Variants in MYLK observed in about 807,000 individuals in gnomAD.
MYLK encodes myosin light chain kinase.
MYLK carries 106 observed loss-of-function variants against 203.4 expected under a neutral mutation model. The ratio of observed to expected loss-of-function variants is 0.52; its 90% CI spans 0.45 to 0.61. The LOEUF (loss-of-function observed/expected upper bound fraction) is 0.61, where lower values mean the gene tolerates loss of function less well. Among genes scored for constraint, MYLK ranks in the 20% least tolerant of loss-of-function variants. The pLI is 0.00. For missense variants in MYLK, 2,072 were observed against 2,442.3 expected (o/e 0.85, Z 3.20); for synonymous variants, 867 against 959.5 (o/e 0.90, Z 1.78).
At chr3:123,656,807 G>A (rs2108269326) in intron 24 of MYLK, among the ~76,000 whole-genome samples, 1 of 152,302 alleles carries the variant, frequency 6.6e-6, no homozygotes, top group Non-Finnish European at 1.5e-5. Flanking sequence ...GATACAAGAG[G>A]AGAAGAGAAG....
At chr3:123,831,363 G>C in intron 3 of MYLK, 185 bp downstream of exon 3, 1 of 1,288,140 alleles carries the variant, frequency 7.8e-7, no homozygotes, top group Non-Finnish European at 1.0e-6. Context: ...AAAATCAACA[G>C]ACAATGCTAC....
At chr3:123,758,148 A>G (rs1453379473) in intron 4 of MYLK, among the ~76,000 whole-genome samples, 1 of 152,176 alleles carries the variant, frequency 6.6e-6, no homozygotes, top group East Asian at 1.9e-4. Flanking sequence ...ATGAGGGTGA[A>G]GAGTGAAGGG....
intron 20 of MYLK, among the ~76,000 whole-genome samples, chr3:123,674,926 G>T (rs754743919): frequency 2.0e-5 from 3 of 152,198 alleles, no homozygotes; most frequent in Non-Finnish European, 4.4e-5. Context: ...GACACACCAC[G>T]GCAAGCTTCT....
At chr3:123,682,197 G>A (rs1316402819) in intron 20 of MYLK, 27 bp downstream of exon 20, 1 of 1,572,708 alleles carries the variant, frequency 6.4e-7, no homozygotes. Flanking sequence ...CTCTGCCTCT[G>A]CCTGGTGAAG....
rs538087568 is a variant in MYLK at position 123,793,354 on chromosome 3, AGCTGTATTCTTCCT to A, written c.165+309_165+322del. Among the ~76,000 whole-genome samples, 37 of 152,186 alleles carry A rather than the reference AGCTGTATTCTTCCT, an allele frequency of 2.4e-4. 2 individuals carry two copies. The South Asian group carries it at 7.5e-3, about 31-fold the overall frequency. On this transcript the variant is annotated intron_variant, in intron 4 of 33. Coordinates refer to ENST00000360304, the MANE Select transcript of MYLK (RefSeq NM_053025.4). ...AGATTTGAGGACATATATAAACCCA[AGCTGTATTCTTCCT>A]GCCACCGGACCGCGTCTTCTTTTTC...
At chr3:123,782,577 C>T (rs956927420) in intron 4 of MYLK, among the ~76,000 whole-genome samples, 1 of 152,224 alleles carries the variant, frequency 6.6e-6, no homozygotes, top group East Asian at 1.9e-4. Context: ...ATGAACCAGA[C>T]CTCAGTGCTA....
chr3:123,740,076 A>G lies in MYLK; in HGVS notation c.374-75T>C, dbSNP rs961373176. On this transcript the variant is annotated intron_variant, in intron 5 of 33. Coordinates refer to ENST00000360304, the MANE Select transcript of MYLK (RefSeq NM_053025.4). ...AATGAAAGTAAAAAGATTCAACAGC[A>G]GGGGTGGGTGGGATAGTGATGGTGA... The G allele has an allele frequency of 1.4e-5, 20 of 1,450,318 alleles. No homozygotes were observed. The African/African-American group carries it at 2.7e-4, about 19-fold the overall frequency. 89.8% of individuals were successfully genotyped at this position (1,450,318 alleles called of 1,614,324 possible).
intron 19 of MYLK, among the ~76,000 whole-genome samples, chr3:123,683,488 T>C (rs2108464892): frequency 6.6e-6 from 1 of 152,224 alleles, no homozygotes; most frequent in East Asian, 1.9e-4. Context: ...TCCCAGCAAG[T>C]GGACTCTGAG....
chr3:123,665,386 C>A (rs1253184386), intron 22 of MYLK, among the ~76,000 whole-genome samples: 2 of 152,214 alleles, frequency 1.3e-5, no homozygotes, highest in Non-Finnish European at 2.9e-5. Context: ...TCGCTCAGGG[C>A]AAACATGCTC....
rs112522778 is a variant in MYLK at position 123,858,918 on chromosome 3, C to T, written c.-127+17641G>A. ...TTCATCCAGGAGAGCTGTGTGCTTA[C>T]GAAGAGTCAGCTGGCTTGTCCCTAA... On this transcript the variant is annotated intron_variant, in intron 2 of 33. Transcript: ENST00000360304. Among the ~76,000 whole-genome samples the T allele has an allele frequency of 6.6e-3, 1,007 of 152,196 alleles. 9 individuals carry two copies. The highest frequency in any genetic ancestry group is 0.02 in the African/African-American group (847 of 41,508).
chr3:123,639,232 C>A (rs2058747063), intron 28 of MYLK, among the ~76,000 whole-genome samples: 1 of 152,226 alleles, frequency 6.6e-6, no homozygotes, highest in Non-Finnish European at 1.5e-5. Context: ...CAGGAGTGAG[C>A]AGAGCAGAGC....
At chr3:123,690,166 G>A (rs577192452) in intron 19 of MYLK, among the ~76,000 whole-genome samples, 1 of 152,168 alleles carries the variant, frequency 6.6e-6, no homozygotes, top group East Asian at 1.9e-4. Flanking sequence ...GGACCTCATT[G>A]CCCCATAAGA....
chr3:123,865,058 T>G (rs1448823896), intron 2 of MYLK, among the ~76,000 whole-genome samples: 2 of 152,188 alleles, frequency 1.3e-5, no homozygotes, highest in African/African-American at 4.8e-5. Flanking sequence ...AATCTCTGTT[T>G]TGCCTATCTG....
At chr3:123,636,806 T>C (rs930066638) in intron 29 of MYLK, among the ~76,000 whole-genome samples, 2 of 152,134 alleles carry the variant, frequency 1.3e-5, no homozygotes, top group Admixed American at 6.5e-5. Context: ...GGGAAGGCTG[T>C]GGTGGTGGGG....
chr3:123,684,927 T>C (rs1051624699), intron 19 of MYLK, among the ~76,000 whole-genome samples: 1 of 152,202 alleles, frequency 6.6e-6, no homozygotes, highest in African/African-American at 2.4e-5. Flanking sequence ...TCTTGGAGCA[T>C]AGAGGAGGGA....
chr3:123,618,866 A>G, intron 32 of MYLK, 96 bp from the exon 33 acceptor site: 2 of 1,529,988 alleles, frequency 1.3e-6, no homozygotes, highest in Admixed American at 3.4e-5. Context: ...AGTTGCTATG[A>G]TTTAGCAAAG....
In MYLK at chr3:123,657,179, G is replaced by A. The variant is rs901809644; in HGVS notation, c.4235C>T (p.Thr1412Ile). 3 of 1,614,150 alleles carry A rather than the reference G, an allele frequency of 1.9e-6. No homozygotes were observed. The highest frequency in any genetic ancestry group is 1.7e-5 in the Admixed American group (1 of 60,016). Residue 1412 changes from threonine to isoleucine, a missense_variant, in exon 24 of 34, where the codon ACC (threonine) becomes ATC (isoleucine). This residue lies in a region of MYLK where 524 missense variants were observed against 782.4 expected (regional missense o/e 0.67). Transcript: ENST00000360304. ...TTCAGACTCCTGGCTTGGCTCACTGGTTCCATACACGTTGATTGCACGTAC... is the reference window on the plus strand; with the variant it reads ...TTCAGACTCCTGGCTTGGCTCACTGATTCCATACACGTTGATTGCACGTAC... The part of the protein sequence containing the change: ...FRVRAINVYG[T>I]SEPSQESELT...
intron 32 of MYLK, among the ~76,000 whole-genome samples, chr3:123,619,459 A>C (rs916628957): frequency 2.6e-5 from 4 of 152,188 alleles, no homozygotes; most frequent in African/African-American, 9.6e-5. Flanking sequence ...GGCCTCACCA[A>C]TAACCCTACC....
chr3:123,699,932 A>G, intron 18 of MYLK, 88 bp downstream of exon 18: 1 of 1,576,100 alleles, frequency 6.3e-7, no homozygotes, highest in Non-Finnish European at 8.7e-7. Context: ...ATGGGCTGCT[A>G]ACAGGGGTCA....
Sources: allele counts gnomAD v4.1 joint callset (sites outside exome capture counted in the v4.1 genomes callset), GRCh38; gene constraint gnomAD v4.1.1; regional missense constraint gnomAD v4.1.1; transcripts MANE v1.5; gene names NCBI Gene and HGNC (gene_info 2026-07-23, HGNC 2026-07-21).